CTNNA2: variants seen among roughly 807,000 people sequenced by gnomAD.
CTNNA2 encodes the protein catenin alpha-2.
In CTNNA2, 42 loss-of-function variants were observed where a neutral mutation model predicts 101.0. The ratio of observed to expected loss-of-function variants is 0.42; its 90% CI spans 0.32 to 0.54. CTNNA2 has a LOEUF of 0.54. Ranked by LOEUF, CTNNA2 falls within the 20% of genes least tolerant of loss-of-function variation. The pLI is 0.14. For missense variants in CTNNA2, 871 were observed against 1,223.1 expected, an observed-to-expected ratio of 0.71 and a Z score of 4.29; for synonymous variants, 450 against 456.4, an observed-to-expected ratio of 0.99 and a Z score of 0.18.
At chr2:79,394,254 C>T (rs1325989504) in intron 4 of CTNNA2, among the ~76,000 whole-genome samples, 1 of 152,154 alleles carries the variant, frequency 6.6e-6, no homozygotes, top group Non-Finnish European at 1.5e-5. Context: ...CTTCTGTGCT[C>T]ATTCACTGTG....
intron 7 of CTNNA2, among the ~76,000 whole-genome samples, chr2:79,940,684 C>T (rs1344105396): frequency 6.6e-6 from 1 of 152,170 alleles, no homozygotes; most frequent in East Asian, 1.9e-4. Flanking sequence ...CTCAAGGGGT[C>T]TGTAGTGCAA....
At chr2:80,581,590 T>G (rs1695548952) in intron 13 of CTNNA2, 116 bp from the exon 14 acceptor site, 1 of 677,108 alleles carries the variant, frequency 1.5e-6, no homozygotes, top group Non-Finnish European at 2.7e-6. Flanking sequence ...GTGGGTGCTA[T>G]GTAGGATGCT....
chr2:79,868,896 A>G (rs188079489), intron 4 of CTNNA2, among the ~76,000 whole-genome samples: 155 of 152,288 alleles, frequency 1.0e-3, no homozygotes, highest in African/African-American at 3.6e-3. Flanking sequence ...AATTATTTCT[A>G]TAAAGACACT....
intron 1 of CTNNA2, among the ~76,000 whole-genome samples, chr2:79,635,436 G>C (rs939978482): frequency 3.3e-5 from 5 of 151,366 alleles, no homozygotes; most frequent in Non-Finnish European, 2.9e-5. Flanking sequence ...GCTGGACTCC[G>C]TCACAGAAAA....
chr2:79,715,205 CAAAAA>C (rs140432724), intron 2 of CTNNA2, among the ~76,000 whole-genome samples: 16,121 of 66,046 alleles, frequency 0.24, 1,219 homozygotes, highest in Middle Eastern at 0.35. Flanking sequence ...AAAATTCCGT[CAAAAA>C]AAAAAAAAAA....
intron 1 of CTNNA2, among the ~76,000 whole-genome samples, chr2:79,533,110 A>G (rs1672844228): frequency 6.6e-6 from 1 of 151,730 alleles, no homozygotes; most frequent in South Asian, 2.1e-4. Flanking sequence ...TCCTTGATGA[A>G]TTTGTATCTG....
intron 3 of CTNNA2, among the ~76,000 whole-genome samples, chr2:79,820,862 T>G (rs1322361927): frequency 6.6e-6 from 1 of 152,188 alleles, no homozygotes; most frequent in African/African-American, 2.4e-5. Context: ...TCTTTTCCCG[T>G]TAACTGAAAT....
At chr2:80,204,554 A>C (rs1707412103) in intron 7 of CTNNA2, among the ~76,000 whole-genome samples, 1 of 152,158 alleles carries the variant, frequency 6.6e-6, no homozygotes, top group African/African-American at 2.4e-5. Flanking sequence ...ATCTGAGACC[A>C]CCTCAGTCTG....
At chr2:79,666,185 C>T (rs1682404738) in intron 2 of CTNNA2, among the ~76,000 whole-genome samples, 1 of 152,020 alleles carries the variant, frequency 6.6e-6, no homozygotes. Flanking sequence ...CTTTTTTCTT[C>T]ATATGGGCTT....
intron 17 of CTNNA2, among the ~76,000 whole-genome samples, chr2:80,611,646 T>C (rs143022773): frequency 5.2e-4 from 79 of 151,706 alleles, no homozygotes; most frequent in African/African-American, 1.8e-3. Context: ...TCTGGAAAAA[T>C]AAAAATCATT....
At chr2:80,369,529 G>A (rs543066292) in intron 7 of CTNNA2, among the ~76,000 whole-genome samples, 5 of 152,014 alleles carry the variant, frequency 3.3e-5, no homozygotes, top group East Asian at 1.9e-4. Flanking sequence ...GGATATCCAC[G>A]TACTAAGTCC....
intron 4 of CTNNA2, among the ~76,000 whole-genome samples, chr2:79,450,386 G>T (rs935124347): frequency 6.6e-6 from 1 of 151,952 alleles, no homozygotes; most frequent in African/African-American, 2.4e-5. Flanking sequence ...TTACATATGG[G>T]ATTCTTTGTC....
intron 2 of CTNNA2, among the ~76,000 whole-genome samples, chr2:79,223,131 G>T (rs933167972): frequency 6.6e-6 from 1 of 152,130 alleles, no homozygotes; most frequent in Non-Finnish European, 1.5e-5. Context: ...CTGCACTCCA[G>T]CCTGGGCAAC....
intron 9 of CTNNA2, among the ~76,000 whole-genome samples, chr2:80,452,457 A>G (rs1683599331): frequency 7.3e-6 from 1 of 137,720 alleles, no homozygotes; most frequent in Non-Finnish European, 1.6e-5. Context: ...CCAATGGTCC[A>G]TAAAATTCCA....
At chr2:80,625,854 A>T (rs936681271) in intron 18 of CTNNA2, among the ~76,000 whole-genome samples, 4 of 152,054 alleles carry the variant, frequency 2.6e-5, no homozygotes, top group Non-Finnish European at 4.4e-5. Context: ...GGGGCCAAAA[A>T]TCAAGTAATT....
At chr2:80,047,185 T>C (rs1003126394) in intron 7 of CTNNA2, among the ~76,000 whole-genome samples, 3 of 152,186 alleles carry the variant, frequency 2.0e-5, no homozygotes, top group African/African-American at 7.2e-5. Context: ...AATTTAATTC[T>C]GCAGGCTTAC....
At chr2:79,219,540 T>G (rs1014864682) in intron 2 of CTNNA2, among the ~76,000 whole-genome samples, 13 of 152,174 alleles carry the variant, frequency 8.5e-5, no homozygotes, top group African/African-American at 3.1e-4. Flanking sequence ...GAGGTTAAGG[T>G]CACTTTAAGG....
intron 7 of CTNNA2, among the ~76,000 whole-genome samples, chr2:80,105,646 C>T (rs1274730633): frequency 6.6e-6 from 1 of 151,934 alleles, no homozygotes; most frequent in Non-Finnish European, 1.5e-5. Context: ...CTGAGGATCT[C>T]TTGAGCCTAG....
intron 2 of CTNNA2, among the ~76,000 whole-genome samples, chr2:79,716,579 T>C (rs1265363616): frequency 6.6e-6 from 1 of 152,312 alleles, no homozygotes; most frequent in East Asian, 1.9e-4. Context: ...TGTTCCTGCA[T>C]TAGTTTGCTG....
Sources: gnomAD v4.1 joint callset for allele counts (sites outside exome capture counted in the v4.1 genomes callset) on GRCh38, gnomAD v4.1.1 for gene constraint, MANE v1.5 for transcripts, NCBI Gene and HGNC (gene_info 2026-07-23, HGNC 2026-07-21) for gene names.